DDX4: variants seen among roughly 807,000 people sequenced by gnomAD.
DDX4 encodes the protein probable ATP-dependent RNA helicase DDX4.
A neutral mutation model predicts 100.0 loss-of-function variants in DDX4; 25 were observed. The ratio of observed to expected loss-of-function variants is 0.25; its 90% CI spans 0.18 to 0.35. The LOEUF (loss-of-function observed/expected upper bound fraction) is 0.35, where lower values mean the gene tolerates loss of function less well. DDX4 is among the 10% of genes least tolerant of loss of function. The pLI is 1.00. For synonymous variants in DDX4, 259 were observed against 275.7 expected (o/e 0.94, Z 0.60); for missense variants, 635 against 882.4 (o/e 0.72, Z 3.55).
intron 15 of DDX4, among the ~76,000 whole-genome samples, chr5:55,788,808 G>T (rs565401122): frequency 6.6e-6 from 1 of 152,160 alleles, no homozygotes; most frequent in African/African-American, 2.4e-5. Flanking sequence ...TCTTACACCT[G>T]TAATCCTAGC....
chr5:55,767,089 T>C, intron 6 of DDX4: 1 of 1,291,184 alleles, frequency 7.7e-7, no homozygotes. Context: ...TTCATTAGCA[T>C]GAATGGGGGA....
At chr5:55,738,851 T>A (rs1758831438) in intron 1 of DDX4, 99 bp from the exon 2 acceptor site, 3 of 758,302 alleles carry the variant, frequency 4.0e-6, no homozygotes, top group Non-Finnish European at 6.8e-6. Flanking sequence ...CCTAGTTGGG[T>A]AGTTTCAAGA....
At chr5:55,806,525 T>A (rs1257441048) in intron 18 of DDX4, among the ~76,000 whole-genome samples, 1 of 152,226 alleles carries the variant, frequency 6.6e-6, no homozygotes, top group African/African-American at 2.4e-5. Context: ...GTATGTTGTG[T>A]CTTTGTTCTC....
intron 18 of DDX4, 78 bp downstream of exon 18, chr5:55,798,649 G>A (rs948283938): frequency 7.4e-7 from 1 of 1,354,158 alleles, no homozygotes. Flanking sequence ...CTAAAGAATT[G>A]TTTGGTCTGA....
chr5:55,780,936 G>A (rs2111977050), intron 8 of DDX4, 130 bp from the exon 9 acceptor site: 1 of 650,240 alleles, frequency 1.5e-6, no homozygotes, highest in Non-Finnish European at 2.5e-6. Flanking sequence ...AGTTTAATAG[G>A]ACAGTATTTT....
intron 7 of DDX4, among the ~76,000 whole-genome samples, chr5:55,779,218 A>C (rs1267590202): frequency 6.6e-6 from 1 of 152,236 alleles, no homozygotes; most frequent in Non-Finnish European, 1.5e-5. Context: ...ATACCTTTAC[A>C]GAAAAGGTTC....
intron 3 of DDX4, among the ~76,000 whole-genome samples, chr5:55,756,273 A>T (rs1158882694): frequency 6.6e-6 from 1 of 152,192 alleles, no homozygotes; most frequent in East Asian, 1.9e-4. Flanking sequence ...AGAATCTCAT[A>T]CTGCACCCAG....
intron 9 of DDX4, 119 bp from the exon 10 acceptor site, chr5:55,781,815 G>A (rs1005712076): frequency 2.1e-6 from 2 of 967,552 alleles, no homozygotes; most frequent in Admixed American, 2.7e-5. Flanking sequence ...AGAGATGGAT[G>A]GGTTAAAGGA....
intron 18 of DDX4, among the ~76,000 whole-genome samples, chr5:55,802,676 T>G (rs1437660162): frequency 6.6e-6 from 1 of 152,204 alleles, no homozygotes; most frequent in Non-Finnish European, 1.5e-5. Context: ...GAGTCTGTCC[T>G]TTAGGACATA....
chr5:55,806,097 C>G (rs1292182310), intron 18 of DDX4, among the ~76,000 whole-genome samples: 1 of 152,158 alleles, frequency 6.6e-6, no homozygotes, highest in Middle Eastern at 3.2e-3. Flanking sequence ...TCTAGATTTT[C>G]TAGTTTATTT....
intron 4 of DDX4, among the ~76,000 whole-genome samples, chr5:55,762,040 T>A (rs1580534964): frequency 6.6e-6 from 1 of 152,216 alleles, no homozygotes; most frequent in Non-Finnish European, 1.5e-5. Context: ...TCTGAGTAGC[T>A]TGGACTTCTT....
chr5:55,753,633 T>C (rs1259172292), intron 3 of DDX4, among the ~76,000 whole-genome samples: 118 of 150,602 alleles, frequency 7.8e-4, no homozygotes, highest in African/African-American at 2.8e-3. Flanking sequence ...TCTTTTGGCT[T>C]AGGATTGACT....
Position 55,796,823 on chromosome 5 carries a change from CTTTTTTTTTTTTTTTTTT to C in DDX4, c.1470-1586_1470-1569del, listed in dbSNP as rs3990072. Among the ~76,000 whole-genome samples the C allele has an allele frequency of 4.5e-4, 27 of 59,946 alleles. No homozygotes were observed. The South Asian group carries it at 0.012, about 26-fold the overall frequency. 39.3% of individuals were successfully genotyped at this position (59,946 alleles called of 152,430 possible). Reference sequence around the variant, plus strand: ...TTTTCTTTTCTTTTTTTCTTTCTTTCTTTTTTTTTTTTTTTTTTTTTTTTTTTTTTTTTTGGAGACAAG... The same window carrying C: ...TTTTCTTTTCTTTTTTTCTTTCTTTCTTTTTTTTTTTTTTTTGGAGACAAG... On this transcript the variant is annotated intron_variant, in intron 17 of 21. Coordinates refer to ENST00000505374, the MANE Select transcript of DDX4 (RefSeq NM_024415.3).
intron 6 of DDX4, chr5:55,767,043 AT>A: frequency 2.0e-6 from 3 of 1,472,868 alleles, no homozygotes; most frequent in Non-Finnish European, 2.7e-6. Context: ...ACTTACTAAT[AT>A]CAAAAATGGA....
chr5:55,809,145 C>G (rs777502645), intron 18 of DDX4, among the ~76,000 whole-genome samples: 3 of 152,182 alleles, frequency 2.0e-5, no homozygotes, highest in Non-Finnish European at 2.9e-5. Context: ...CTGGTGTGCC[C>G]TTTGCTAAGA....
At chr5:55,741,975 G>T in intron 2 of DDX4, 1 of 302,238 alleles carries the variant, frequency 3.3e-6, no homozygotes, top group South Asian at 3.0e-5. Context: ...TTTTCTGAGT[G>T]CTTCTCAGGA....
Position 55,751,601 on chromosome 5 carries a change from A to C in DDX4, c.127+5380A>C, listed in dbSNP as rs10069271. Among the ~76,000 whole-genome samples, 456 of 152,168 alleles carry C rather than the reference A, an allele frequency of 3.0e-3. 4 individuals carry two copies. The highest frequency in any genetic ancestry group is 0.011 in the African/African-American group (444 of 41,512). On this transcript the variant is annotated intron_variant, in intron 3 of 21. Coordinates refer to ENST00000505374, the MANE Select transcript of DDX4 (RefSeq NM_024415.3). ...ACATGTTGTTATTCTGTAAGTTTCT[A>C]CTTTTGTAAGTTGCCTGTTTGTATT...
chr5:55,775,750 T>C (rs1370397693), intron 7 of DDX4, among the ~76,000 whole-genome samples: 1 of 152,168 alleles, frequency 6.6e-6, no homozygotes, highest in Non-Finnish European at 1.5e-5. Flanking sequence ...ACCAAACATC[T>C]TTAAGAGTTA....
At chr5:55,786,804 C>A in intron 14 of DDX4, 134 bp downstream of exon 14, 1 of 696,690 alleles carries the variant, frequency 1.4e-6, no homozygotes, top group Non-Finnish European at 2.5e-6. Context: ...GATGGTTTTG[C>A]TTCTGATTTT....
Sources: gnomAD v4.1 joint callset for allele counts (sites outside exome capture counted in the v4.1 genomes callset) on GRCh38, gnomAD v4.1.1 for gene constraint, MANE v1.5 for transcripts, NCBI Gene and HGNC (gene_info 2026-07-23, HGNC 2026-07-21) for gene names.